PARD3: variants seen among roughly 807,000 people sequenced by gnomAD.
The protein encoded by PARD3 is par-3 family cell polarity regulator.
A neutral mutation model predicts 155.4 loss-of-function variants in PARD3; 75 were observed. The observed-to-expected ratio is 0.48, with a 90% CI of 0.40 to 0.58. The LOEUF (loss-of-function observed/expected upper bound fraction) is 0.58. Among genes scored for constraint, PARD3 ranks in the 20% least tolerant of loss-of-function variants. The pLI is 0.00. For missense variants in PARD3, 1,642 were observed against 1,721.7 expected (o/e 0.95, Z 0.82); for synonymous variants, 576 against 610.5 (o/e 0.94, Z 0.83).
intron 22 of PARD3, among the ~76,000 whole-genome samples, chr10:34,265,909 GA>G (rs1955278197): frequency 6.6e-6 from 1 of 152,164 alleles, no homozygotes; most frequent in Non-Finnish European, 1.5e-5. Flanking sequence ...ATTCAACAGA[GA>G]AAAGGGATGG....
At chr10:34,139,375 T>C (rs1948064797) in intron 22 of PARD3, among the ~76,000 whole-genome samples, 1 of 152,190 alleles carries the variant, frequency 6.6e-6, no homozygotes, top group Non-Finnish European at 1.5e-5. Flanking sequence ...GTTCCACAAA[T>C]GGAAGAACTC....
intron 1 of PARD3, among the ~76,000 whole-genome samples, chr10:34,802,997 G>A (rs928846748): frequency 3.3e-5 from 5 of 151,286 alleles, no homozygotes; most frequent in East Asian, 1.9e-4. Context: ...AAGCCAAGGC[G>A]GGTGGATCAC....
intron 20 of PARD3, among the ~76,000 whole-genome samples, chr10:34,303,834 A>G (rs1181603724): frequency 6.6e-6 from 1 of 152,164 alleles, no homozygotes; most frequent in Non-Finnish European, 1.5e-5. Context: ...GAGGAAGACA[A>G]GGAGACAGAG....
intron 2 of PARD3, among the ~76,000 whole-genome samples, chr10:34,524,675 G>A (rs1470853301): frequency 1.3e-5 from 2 of 152,144 alleles, no homozygotes; most frequent in Non-Finnish European, 2.9e-5. Context: ...TGTTACACTG[G>A]TATCCACCCA....
chr10:34,518,174 C>T (rs935388992), intron 2 of PARD3, among the ~76,000 whole-genome samples: 3 of 152,124 alleles, frequency 2.0e-5, no homozygotes, highest in African/African-American at 7.2e-5. Context: ...CCACTGCTCC[C>T]GGCCAAACTC....
chr10:34,756,741 C>A (rs905060651), intron 1 of PARD3, among the ~76,000 whole-genome samples: 3 of 152,270 alleles, frequency 2.0e-5, no homozygotes, highest in African/African-American at 7.2e-5. Context: ...GTGTGAGCCA[C>A]TACACATAAT....
At chr10:34,637,249 C>A (rs1482452504) in intron 2 of PARD3, among the ~76,000 whole-genome samples, 1 of 152,162 alleles carries the variant, frequency 6.6e-6, no homozygotes, top group Non-Finnish European at 1.5e-5. Flanking sequence ...ATTTTCCATT[C>A]TTTTCAAAAA....
At chr10:34,276,416 G>T (rs1251517368) in intron 21 of PARD3, among the ~76,000 whole-genome samples, 1 of 152,074 alleles carries the variant, frequency 6.6e-6, no homozygotes, top group Non-Finnish European at 1.5e-5. Context: ...ATCAATTAAT[G>T]ATTTTAATTC....
intron 3 of PARD3, among the ~76,000 whole-genome samples, chr10:34,484,996 T>C (rs1369111298): frequency 3.3e-5 from 5 of 152,148 alleles, no homozygotes; most frequent in Non-Finnish European, 7.3e-5. Flanking sequence ...CACTGTCATA[T>C]CCACAGAGGC....
chr10:34,586,220 A>G (rs1425739407), intron 2 of PARD3, among the ~76,000 whole-genome samples: 1 of 152,182 alleles, frequency 6.6e-6, no homozygotes, highest in East Asian at 1.9e-4. Flanking sequence ...AGAAGTAACG[A>G]CCCTATGGAA....
At chr10:34,412,846 A>G (rs1649280966) in intron 5 of PARD3, among the ~76,000 whole-genome samples, 1 of 152,164 alleles carries the variant, frequency 6.6e-6, no homozygotes, top group Admixed American at 6.6e-5. Context: ...AGAGAAAGAG[A>G]CATTACAATT....
intron 7 of PARD3, among the ~76,000 whole-genome samples, chr10:34,388,414 T>C (rs1842556090): frequency 6.6e-6 from 1 of 152,026 alleles, no homozygotes; most frequent in Non-Finnish European, 1.5e-5. Flanking sequence ...GAAAAGAACC[T>C]CCGAAGGAAA....
chr10:34,317,919 C>G (rs1958110372), intron 19 of PARD3, among the ~76,000 whole-genome samples: 1 of 152,218 alleles, frequency 6.6e-6, no homozygotes, highest in African/African-American at 2.4e-5. Flanking sequence ...GCCTCTGTAA[C>G]TCTTCTTTGC....
chr10:34,500,799 CAAT>C (rs1240275705), intron 3 of PARD3, among the ~76,000 whole-genome samples: 2 of 151,936 alleles, frequency 1.3e-5, no homozygotes, highest in Admixed American at 1.3e-4. Flanking sequence ...ACTTGTGTAA[CAAT>C]AATTTAATGC....
At chr10:34,727,034 G>A (rs1322312471) in intron 1 of PARD3, among the ~76,000 whole-genome samples, 1 of 152,122 alleles carries the variant, frequency 6.6e-6, no homozygotes, top group Non-Finnish European at 1.5e-5. Flanking sequence ...TAAAGGGGAA[G>A]TACAAGATCT....
chr10:34,579,296 A>G (rs1408267814), intron 2 of PARD3, among the ~76,000 whole-genome samples: 1 of 151,348 alleles, frequency 6.6e-6, no homozygotes, highest in Non-Finnish European at 1.5e-5. Context: ...AAAGAAAATT[A>G]TTAAACCAGT....
At chr10:34,704,504 G>A (rs1204600238) in intron 1 of PARD3, among the ~76,000 whole-genome samples, 1 of 152,204 alleles carries the variant, frequency 6.6e-6, no homozygotes, top group Admixed American at 6.5e-5. Flanking sequence ...CTACCTGTGA[G>A]TGGGGGCATA....
chr10:34,229,161 T>C (rs7081050), intron 22 of PARD3, among the ~76,000 whole-genome samples: 3,337 of 152,156 alleles, frequency 0.022, 145 homozygotes, highest in African/African-American at 0.076. Flanking sequence ...CAGCATCAGC[T>C]ATATGACTGC....
At chr10:34,217,539 G>C (rs566626396) in intron 22 of PARD3, among the ~76,000 whole-genome samples, 7 of 152,226 alleles carry the variant, frequency 4.6e-5, no homozygotes, top group Admixed American at 2.0e-4. Context: ...AGGAAATGGG[G>C]GGCCGGTGTG....
Sources: gnomAD v4.1 joint callset for allele counts (sites outside exome capture counted in the v4.1 genomes callset) on GRCh38, gnomAD v4.1.1 for gene constraint, MANE v1.5 for transcripts, NCBI Gene and HGNC (gene_info 2026-07-23, HGNC 2026-07-21) for gene names.